Variants in ZFHX3 observed in about 807,000 individuals in gnomAD.
The protein encoded by ZFHX3 is zinc finger homeobox protein 3.
A neutral mutation model predicts 279.1 loss-of-function variants in ZFHX3; 42 were observed. The observed-to-expected ratio is 0.15, with a 90% CI of 0.12 to 0.19. The LOEUF (loss-of-function observed/expected upper bound fraction) is 0.19. Ranked by LOEUF, ZFHX3 falls within the 10% of genes least tolerant of loss-of-function variation. The pLI is 1.00. For synonymous variants in ZFHX3, 2,293 were observed against 1,957.8 expected (o/e 1.17, Z -4.52); for missense variants, 4,981 against 4,754.0 (o/e 1.05, Z -1.40).
intron 3 of ZFHX3, among the ~76,000 whole-genome samples, chr16:73,381,270 G>A (rs2016813797): frequency 6.6e-6 from 1 of 152,102 alleles, no homozygotes; most frequent in South Asian, 2.1e-4. Flanking sequence ...ATTCTAATCA[G>A]AATTCCAGTA....
At chr16:73,112,626 G>A (rs1597161175) in intron 7 of ZFHX3, among the ~76,000 whole-genome samples, 1 of 133,830 alleles carries the variant, frequency 7.5e-6, no homozygotes, top group East Asian at 2.3e-4. Flanking sequence ...TGAGGCAGGA[G>A]AATCTCTTGA....
intron 3 of ZFHX3, among the ~76,000 whole-genome samples, chr16:73,372,492 T>A (rs1398882595): frequency 6.6e-6 from 1 of 152,216 alleles, no homozygotes; most frequent in Admixed American, 6.5e-5. Flanking sequence ...TAATTTATAC[T>A]CAAGTAATTA....
At chr16:73,177,508 G>A (rs954831755) in intron 5 of ZFHX3, among the ~76,000 whole-genome samples, 5 of 152,172 alleles carry the variant, frequency 3.3e-5, no homozygotes, top group Admixed American at 2.6e-4. Flanking sequence ...ATTGTGAGCC[G>A]CAAGAACATA....
At chr16:73,295,555 G>A (rs942536944) in intron 4 of ZFHX3, among the ~76,000 whole-genome samples, 3 of 152,234 alleles carry the variant, frequency 2.0e-5, no homozygotes, top group African/African-American at 7.2e-5. Context: ...TGCGCAATCT[G>A]CAGAATTTTT....
chr16:73,832,763 C>G (rs1444546987), intron 1 of ZFHX3, among the ~76,000 whole-genome samples: 3 of 152,016 alleles, frequency 2.0e-5, no homozygotes, highest in Non-Finnish European at 4.4e-5. Context: ...ACTATTTGCT[C>G]ACATGCTGGT....
chr16:72,962,779 A>C (rs1961640922), intron 1 of ZFHX3, among the ~76,000 whole-genome samples: 1 of 152,092 alleles, frequency 6.6e-6, no homozygotes, highest in Admixed American at 6.5e-5. Context: ...GGTACCAAGC[A>C]CAGCTCTTCT....
At chr16:73,640,254 G>A (rs1248893969) in intron 2 of ZFHX3, among the ~76,000 whole-genome samples, 1 of 152,228 alleles carries the variant, frequency 6.6e-6, no homozygotes, top group Non-Finnish European at 1.5e-5. Flanking sequence ...TATCCAAAAA[G>A]AGAATTATCA....
chr16:73,276,122 T>C (rs2030219295), intron 4 of ZFHX3, among the ~76,000 whole-genome samples: 1 of 152,118 alleles, frequency 6.6e-6, no homozygotes, highest in Non-Finnish European at 1.5e-5. Flanking sequence ...GTTGTGCTGT[T>C]TGTTTAGAAA....
chr16:73,482,614 C>T (rs1030591323), intron 2 of ZFHX3, among the ~76,000 whole-genome samples: 1 of 152,184 alleles, frequency 6.6e-6, no homozygotes, highest in Non-Finnish European at 1.5e-5. Context: ...GTGAAGCTGC[C>T]TGCCACCTCC....
chr16:72,984,266 T>C (rs891414105), intron 1 of ZFHX3, among the ~76,000 whole-genome samples: 16 of 152,198 alleles, frequency 1.1e-4, no homozygotes, highest in African/African-American at 3.6e-4. Context: ...CCTCCTAGTC[T>C]ATCTACTGCC....
intron 1 of ZFHX3, among the ~76,000 whole-genome samples, chr16:73,831,081 T>A (rs965964294): frequency 1.3e-5 from 2 of 152,158 alleles, no homozygotes; most frequent in Non-Finnish European, 2.9e-5. Flanking sequence ...AGAAGGCCAA[T>A]AACCATTTTC....
chr16:72,870,271 A>C (rs1167821809), intron 4 of ZFHX3, among the ~76,000 whole-genome samples: 1 of 152,172 alleles, frequency 6.6e-6, no homozygotes, highest in Non-Finnish European at 1.5e-5. Context: ...GCATGCCTGT[A>C]GTCCCAGGTA....
chr16:72,936,909 C>T (rs939874169), intron 3 of ZFHX3, among the ~76,000 whole-genome samples: 4 of 151,838 alleles, frequency 2.6e-5, no homozygotes, highest in Non-Finnish European at 4.4e-5. Flanking sequence ...TGGGGGCTGG[C>T]CTGGGAGGGT....
intron 3 of ZFHX3, among the ~76,000 whole-genome samples, chr16:73,434,795 T>C (rs542825860): frequency 6.6e-6 from 1 of 152,262 alleles, no homozygotes; most frequent in African/African-American, 2.4e-5. Context: ...TCAACAGTCC[T>C]CTAAGTGGGT....
chr16:72,862,215 G>C (rs1396508044), intron 4 of ZFHX3, among the ~76,000 whole-genome samples: 1 of 152,090 alleles, frequency 6.6e-6, no homozygotes, highest in African/African-American at 2.4e-5. Flanking sequence ...TTAGGACCCT[G>C]CTTACAAAGG....
At chr16:73,591,852 A>G (rs1273497957) in intron 2 of ZFHX3, among the ~76,000 whole-genome samples, 1 of 151,828 alleles carries the variant, frequency 6.6e-6, no homozygotes, top group African/African-American at 2.4e-5. Context: ...AATTGGGAAA[A>G]TGAACACTTA....
chr16:73,515,180 T>C (rs927326093), intron 2 of ZFHX3, among the ~76,000 whole-genome samples: 2 of 152,212 alleles, frequency 1.3e-5, no homozygotes, highest in African/African-American at 4.8e-5. Context: ...AAATTGTATT[T>C]TTGTGTGCAG....
intron 2 of ZFHX3, among the ~76,000 whole-genome samples, chr16:73,611,616 C>A (rs1290955883): frequency 6.6e-6 from 1 of 152,050 alleles, no homozygotes; most frequent in Non-Finnish European, 1.5e-5. Context: ...AAGAAAACAC[C>A]TCCTAAAATT....
rs540899935 is a variant in ZFHX3, at chr16:73,026,619, C to T, written c.-50+21133G>A. Among the ~76,000 whole-genome samples, 8 of 132,584 alleles carry T rather than the reference C, an allele frequency of 6.0e-5. No individual in the cohort carries two copies. The South Asian group carries it at 7.3e-4, about 12-fold the overall frequency. 87.0% of individuals were successfully genotyped at this position (132,584 alleles called of 152,430 possible). A position where few individuals can be genotyped will look rare whatever the true frequency, so the allele number is the denominator to read the frequency against. ...CTGGGAGGTGGAGGTTGCAGTGAGC[C>T]GAGATTGTGCCATGCCATTGCACTC... is the stretch of plus-strand genomic sequence containing the variant. On this transcript the variant is annotated intron_variant, in intron 1 of 9. Coordinates refer to ENST00000268489, the MANE Select transcript of ZFHX3 (RefSeq NM_006885.4).
Sources: gnomAD v4.1 joint callset for allele counts (sites outside exome capture counted in the v4.1 genomes callset) on GRCh38, gnomAD v4.1.1 for gene constraint, MANE v1.5 for transcripts, NCBI Gene and HGNC (gene_info 2026-07-23, HGNC 2026-07-21) for gene names.